The following ZNHIT1 variants were observed in gnomAD, a reference collection of about 807,000 sequenced individuals.
ZNHIT1 encodes zinc finger HIT-type containing 1.
Under a neutral mutation model 21.4 loss-of-function variants are expected in ZNHIT1, and 20 were observed. That is an observed-to-expected ratio of 0.93 (90% CI 0.66 to 1.36). The LOEUF is 1.36. Among genes scored for constraint, ZNHIT1 ranks in the 40% most tolerant of loss-of-function variants. ZNHIT1 has a pLI of 0.00. For synonymous variants in ZNHIT1, 79 were observed against 84.0 expected (o/e 0.94, Z 0.32); for missense variants, 170 against 213.5 (o/e 0.80, Z 1.27).
In ZNHIT1 at chr7:101,223,874, C is replaced by G. The variant is rs200866129; in HGVS notation, c.443+32C>G. On this transcript the variant is annotated intron_variant, in intron 4 of 4. Coordinates refer to ENST00000305105, the MANE Select transcript of ZNHIT1 (RefSeq NM_006349.3). ...ATGAGACCTGCTGTCCACTCCCACT[C>G]CCTCCTTCCCACAGCCTCCCCAGAC... 9.6e-5 allele frequency: 155 copies of G among 1,614,110 alleles called. No homozygotes were observed. The African/African-American group carries it at 1.8e-3, about 19-fold the overall frequency.
chr7:101,218,455 T>C (rs1020960623), intron 1 of ZNHIT1: 16 of 540,866 alleles, frequency 3.0e-5, no homozygotes, highest in East Asian at 2.2e-4. Flanking sequence ...TAATTTGTTA[T>C]GTGGTGACGG....
intron 1 of ZNHIT1, chr7:101,221,157 ATT>A (rs34356868): frequency 0.097 from 13,841 of 143,154 alleles, 762 homozygotes; most frequent in African/African-American, 0.16. Flanking sequence ...TTGGATGGGA[ATT>A]TTTTTTTTTT....
rs1014048774 is a variant in ZNHIT1, at chr7:101,222,476, T to C, written c.23-128T>C. ...GGGAGGAGACAAGGGGACCAAGGGCTTGGCAATGGGGATGAGATCAGAGAG... is the reference window on the plus strand; with the variant it reads ...GGGAGGAGACAAGGGGACCAAGGGCCTGGCAATGGGGATGAGATCAGAGAG... On this transcript the variant is annotated intron_variant, in intron 1 of 4. Coordinates refer to ENST00000305105, the MANE Select transcript of ZNHIT1 (RefSeq NM_006349.3). 8 of 1,138,614 alleles carry C rather than the reference T, an allele frequency of 7.0e-6. No homozygotes were observed. In the African/African-American group the frequency reaches 1.3e-4, roughly 18 times the overall value. 70.5% of individuals were successfully genotyped at this position (1,138,614 alleles called of 1,614,324 possible).
In ZNHIT1 at chr7:101,223,336, C is replaced by T. The variant is rs538472032; in HGVS notation, c.194-141C>T. 1.7e-4 allele frequency: 154 copies of T among 906,294 alleles called. No homozygotes were observed. The African/African-American group carries it at 2.3e-3, about 13-fold the overall frequency. 56.1% of individuals were successfully genotyped at this position (906,294 alleles called of 1,614,324 possible). ...AGGTTGCAGTGAGTCAAGATCGCACCACTGCACTCCAGCCTGGGTGACAGA... is the reference window on the plus strand; with the variant it reads ...AGGTTGCAGTGAGTCAAGATCGCACTACTGCACTCCAGCCTGGGTGACAGA... On this transcript the variant is annotated intron_variant, in intron 2 of 4. Transcript: ENST00000305105.
At chr7:101,219,847 G>C (rs1798342979) in intron 1 of ZNHIT1, 1 of 152,180 alleles carries the variant, frequency 6.6e-6, no homozygotes, top group Non-Finnish European at 1.5e-5. Context: ...CCTTAACCTA[G>C]ACTTACCTTC....
At chr7:101,221,118 C>T (rs1045432435) in intron 1 of ZNHIT1, 13 of 150,360 alleles carry the variant, frequency 8.6e-5, no homozygotes, top group African/African-American at 2.9e-4. Context: ...GTTCCATTTG[C>T]GTAGAGAGAA....
Position 101,224,042 on chromosome 7 carries a change from A to G in ZNHIT1, c.*84A>G. 1.3e-6 allele frequency: 2 copies of G among 1,599,454 alleles called. No homozygotes were observed. The highest frequency in any genetic ancestry group is 1.1e-5 in the South Asian group (1 of 90,702). ...GAATTTCATCACCCAATGCAGGGGG[A>G]GCTCTTCCTGGACCAAGGGAGGAGC... On this transcript the variant is annotated 3_prime_UTR_variant, in exon 5 of 5. Coordinates refer to ENST00000305105, the MANE Select transcript of ZNHIT1 (RefSeq NM_006349.3).
At chr7:101,223,913 T>C (rs1191942747) in intron 4 of ZNHIT1, 24 bp from the exon 5 acceptor site, 1 of 1,614,034 alleles carries the variant, frequency 6.2e-7, no homozygotes, top group South Asian at 1.1e-5. Flanking sequence ...TCTCCCCTCA[T>C]CCTGGCTTCC....
intron 1 of ZNHIT1, chr7:101,222,338 G>T (rs938774242): frequency 6.5e-6 from 3 of 461,422 alleles, no homozygotes; most frequent in Admixed American, 3.8e-5. Flanking sequence ...CTGTCTCCAG[G>T]CCGGGGCTCA....
chr7:101,222,849 G>A, intron 2 of ZNHIT1, 75 bp downstream of exon 2: 1 of 1,536,480 alleles, frequency 6.5e-7, no homozygotes, highest in Non-Finnish European at 8.8e-7. Context: ...TCAGGCTGTG[G>A]GAGGACCCAG....
chr7:101,218,394 C>A, intron 1 of ZNHIT1, 177 bp downstream of exon 1: 2 of 677,266 alleles, frequency 3.0e-6, no homozygotes, highest in Non-Finnish European at 4.9e-6. Context: ...CCACCTCAGC[C>A]TCCGGAGTGG....
intron 1 of ZNHIT1, 189 bp from the exon 2 acceptor site, chr7:101,222,415 T>G (rs1199297172): frequency 1.6e-5 from 9 of 563,898 alleles, no homozygotes; most frequent in Non-Finnish European, 2.7e-5. Flanking sequence ...GGGTCTCAGC[T>G]GGCGGGACAG....
chr7:101,223,832 CAGG>C lies in ZNHIT1; in HGVS notation c.436_438del (p.Glu146del). 6.2e-7 allele frequency: 1 copy of C among 1,614,108 alleles called. No homozygotes were observed. The highest frequency in any genetic ancestry group is 8.5e-7 in the Non-Finnish European group (1 of 1,179,994). On this transcript the variant is annotated inframe_deletion, in exon 4 of 5. Transcript: ENST00000305105. ...CACTGTGCGCTGTCTGGGGACCCAC[CAGG>C]AGACCAGGTGAGCATGAGACCTGCT...
chr7:101,221,112 C>T (rs1798362800), intron 1 of ZNHIT1: 1 of 151,530 alleles, frequency 6.6e-6, no homozygotes, highest in African/African-American at 2.4e-5. Flanking sequence ...TAGACGGTTC[C>T]ATTTGCGTAG....
At chr7:101,222,921 C>G in intron 2 of ZNHIT1, 147 bp downstream of exon 2, 2 of 1,022,812 alleles carry the variant, frequency 2.0e-6, no homozygotes, top group Non-Finnish European at 2.8e-6. Flanking sequence ...CACCCCCTTT[C>G]TGTGCCTCAG....
Position 101,224,126 on chromosome 7 carries a change from G to A in ZNHIT1, c.*168G>A. 2 of 1,050,278 alleles carry A rather than the reference G, an allele frequency of 1.9e-6. No homozygotes were observed. The highest frequency in any genetic ancestry group is 1.5e-5 in the South Asian group (1 of 66,722). The allele number at this position is 1,050,278 out of a possible 1,614,324, so 65.1% of individuals were successfully genotyped here. A position where few individuals can be genotyped will look rare whatever the true frequency, so the allele number is the denominator to read the frequency against. On this transcript the variant is annotated 3_prime_UTR_variant, in exon 5 of 5. Coordinates refer to ENST00000305105, the MANE Select transcript of ZNHIT1 (RefSeq NM_006349.3). ...GCCAGGAAAGACCAGCCTCACTCCT[G>A]GGAACTGTCTGGCAGGTAGGCTGGG...
At position 101,224,065 on chromosome 7, in the gene ZNHIT1, A is replaced by T. The variant is rs1178596267; in HGVS notation, c.*107A>T. 6.5e-7 allele frequency: 1 copy of T among 1,541,564 alleles called. No individual in the cohort carries two copies. The highest frequency in any genetic ancestry group is 1.4e-5 in the African/African-American group (1 of 73,494). ...GGAGCTCTTCCTGGACCAAGGGAGG[A>T]GCCGCTCATTCACCCAACAAAACTG... On this transcript the variant is annotated 3_prime_UTR_variant, in exon 5 of 5. Transcript: ENST00000305105.
intron 2 of ZNHIT1, 126 bp downstream of exon 2, chr7:101,222,900 G>A: frequency 8.0e-7 from 1 of 1,250,768 alleles, no homozygotes. Context: ...TCCCATGGCT[G>A]TGAGCAACCA....
chr7:101,223,622 C>G lies in ZNHIT1; in HGVS notation c.274-51C>G, dbSNP rs556415641. On this transcript the variant is annotated intron_variant, in intron 3 of 4. Transcript: ENST00000305105. ...GGTGAGCCTGGCCCGGGCAGGTGTT[C>G]GCTGCGTGGGTGGGCGGAGGAGTTC... is the stretch of plus-strand genomic sequence containing the variant. 2.5e-6 allele frequency: 4 copies of G among 1,613,250 alleles called. No homozygotes were observed. The East Asian group carries it at 6.7e-5, about 27-fold the overall frequency.
Sources: gnomAD v4.1 joint callset for allele counts on GRCh38, gnomAD v4.1.1 for gene constraint, MANE v1.5 for transcripts, NCBI Gene and HGNC (gene_info 2026-07-23, HGNC 2026-07-21) for gene names.